The following MAGI1 variants were observed in gnomAD, a reference collection of about 807,000 sequenced individuals.
The protein encoded by MAGI1 is membrane associated guanylate kinase, WW and PDZ domain containing 1.
A neutral mutation model predicts 139.9 loss-of-function variants in MAGI1; 58 were observed. The observed-to-expected ratio is 0.41, with a 90% CI of 0.34 to 0.52. The LOEUF is 0.52. Among genes scored for constraint, MAGI1 ranks in the 20% least tolerant of loss-of-function variants. The probability of loss-of-function intolerance (pLI) is 0.12; values close to 1 mark genes in which losing one functional copy is unlikely to be tolerated. For synonymous variants in MAGI1, 812 were observed against 737.9 expected, an observed-to-expected ratio of 1.10 and a Z score of -1.63; for missense variants, 1,874 against 1,901.6, an observed-to-expected ratio of 0.99 and a Z score of 0.27.
intron 17 of MAGI1, among the ~76,000 whole-genome samples, chr3:65,376,940 G>A (rs1018166027): frequency 6.6e-6 from 1 of 152,184 alleles, no homozygotes; most frequent in African/African-American, 2.4e-5. Context: ...GCCTGACATA[G>A]GATTTCTGGT....
chr3:65,678,921 A>C (rs978398318), intron 1 of MAGI1, among the ~76,000 whole-genome samples: 1 of 152,226 alleles, frequency 6.6e-6, no homozygotes, highest in African/African-American at 2.4e-5. Context: ...TTCTATCCGC[A>C]TTGACACCCA....
At chr3:65,737,269 T>C (rs1413155795) in intron 1 of MAGI1, among the ~76,000 whole-genome samples, 1 of 152,232 alleles carries the variant, frequency 6.6e-6, no homozygotes, top group African/African-American at 2.4e-5. Flanking sequence ...CCTCCCAAAG[T>C]GCTGGGATTA....
At chr3:65,861,879 T>C (rs1046718263) in intron 1 of MAGI1, among the ~76,000 whole-genome samples, 52 of 152,190 alleles carry the variant, frequency 3.4e-4, no homozygotes, top group African/African-American at 1.2e-3. Context: ...TGTTGAGATA[T>C]TAGCAGGCAT....
intron 1 of MAGI1, among the ~76,000 whole-genome samples, chr3:65,640,394 G>A (rs555508046): frequency 5.1e-4 from 77 of 152,104 alleles, no homozygotes; most frequent in Non-Finnish European, 1.0e-3. Flanking sequence ...AGTTGGATTC[G>A]ACAACCCCAG....
intron 3 of MAGI1, among the ~76,000 whole-genome samples, chr3:65,487,938 T>C (rs1263716815): frequency 6.6e-6 from 1 of 152,220 alleles, no homozygotes; most frequent in African/African-American, 2.4e-5. Context: ...TGAGTTTATG[T>C]TGAATTAAAG....
Position 65,429,984 on chromosome 3 carries a change from C to T in MAGI1, c.1703G>A (p.Ser568Asn), listed in dbSNP as rs778851077. Residue 568 changes from serine to asparagine, a missense_variant, in exon 12 of 23, where the codon AGT (serine) becomes AAT (asparagine). Physicochemically the swap from Ser to Asn is conservative, Grantham distance 46. Coordinates refer to ENST00000402939, the MANE Select transcript of MAGI1 (RefSeq NM_001033057.2). Reference protein sequence around the residue: ...LPFDPDDPNTSLVTSVAILDK... With the variant: ...LPFDPDDPNTNLVTSVAILDK... ...CAAAATGGCTACCGAGGTCACTAAA[C>T]TTGTATTGGGGTCATCTGGATCAAA... is the stretch of plus-strand genomic sequence containing the variant. 6.2e-7 allele frequency: 1 copy of T among 1,614,004 alleles called. No homozygotes were observed. Among genetic ancestry groups the T allele is most frequent in the South Asian group, 1.1e-5 (1 of 91,088 alleles).
chr3:65,364,551 A>G, intron 20 of MAGI1, 114 bp downstream of exon 20: 1 of 892,854 alleles, frequency 1.1e-6, no homozygotes, highest in Non-Finnish European at 1.8e-6. Context: ...ATCACCTCAC[A>G]AAAGGTTATT....
chr3:65,383,631 G>A lies in MAGI1; in HGVS notation c.2417-8C>T, dbSNP rs1331794596. ...GTTCCTGGTAATCTGGAACTGCAGA[G>A]AGGGGAGAAAAAAGAGAAGGATTAT... On this transcript the variant is annotated splice_region_variant and splice_polypyrimidine_tract_variant and intron_variant, in intron 14 of 22. Coordinates refer to ENST00000402939, the MANE Select transcript of MAGI1 (RefSeq NM_001033057.2). The A allele has an allele frequency of 6.4e-7, 1 of 1,554,978 alleles. No individual in the cohort carries two copies. The highest frequency in any genetic ancestry group is 2.2e-5 in the East Asian group (1 of 44,586).
intron 22 of MAGI1, chr3:65,360,022 T>C (rs754905618): frequency 2.2e-5 from 22 of 985,264 alleles, no homozygotes; most frequent in African/African-American, 3.5e-5. Flanking sequence ...TGGTTGGCCA[T>C]GTCTATAGGG....
At chr3:66,037,784 G>C (rs551169832) in intron 1 of MAGI1, among the ~76,000 whole-genome samples, 2 of 152,180 alleles carry the variant, frequency 1.3e-5, no homozygotes, top group African/African-American at 4.8e-5. Flanking sequence ...CCGCTACCTT[G>C]CGCAAACCCA....
intron 1 of MAGI1, among the ~76,000 whole-genome samples, chr3:65,644,514 T>A (rs2085154581): frequency 6.6e-6 from 1 of 150,988 alleles, no homozygotes. Context: ...TAAGCAGTGA[T>A]CGTACCACTG....
At chr3:65,758,240 C>T (rs774018207) in intron 1 of MAGI1, among the ~76,000 whole-genome samples, 8 of 152,210 alleles carry the variant, frequency 5.3e-5, no homozygotes, top group African/African-American at 1.4e-4. Context: ...AGACATAAAG[C>T]GGAGCATCTG....
At chr3:65,597,935 G>GGGGGGT in intron 2 of MAGI1, 1 of 395,924 alleles carries the variant, frequency 2.5e-6, no homozygotes. Context: ...TGGGGGGGGG[G>GGGGGGT]TGGGACCGAA....
chr3:65,391,552 G>T (rs1008161646), intron 13 of MAGI1, among the ~76,000 whole-genome samples, 194 bp from the exon 14 acceptor site: 7 of 152,174 alleles, frequency 4.6e-5, no homozygotes, highest in African/African-American at 1.7e-4. Flanking sequence ...AAACAGAGGG[G>T]TGGGCCAGAT....
intron 2 of MAGI1, among the ~76,000 whole-genome samples, chr3:65,509,585 C>A (rs142831344): frequency 6.6e-6 from 1 of 152,198 alleles, no homozygotes; most frequent in Non-Finnish European, 1.5e-5. Context: ...CCGAATATTT[C>A]GCTTTTCAGA....
chr3:65,859,021 TGTGC>T (rs2059457090), intron 1 of MAGI1, among the ~76,000 whole-genome samples: 2 of 152,152 alleles, frequency 1.3e-5, no homozygotes, highest in South Asian at 4.1e-4. Context: ...TGCCAGATAT[TGTGC>T]TATGTGCTTT....
At chr3:65,770,032 T>C (rs1358503371) in intron 1 of MAGI1, among the ~76,000 whole-genome samples, 1 of 152,196 alleles carries the variant, frequency 6.6e-6, no homozygotes, top group Non-Finnish European at 1.5e-5. Context: ...GATTGCTATC[T>C]TGGGCCCATG....
At chr3:65,722,971 T>TA (rs151181033) in intron 1 of MAGI1, among the ~76,000 whole-genome samples, 4,308 of 135,074 alleles carry the variant, frequency 0.032, 138 homozygotes, top group African/African-American at 0.091. Context: ...TCTGTTGTAG[T>TA]AAAAAAAAAA....
At chr3:65,611,548 A>T (rs950196085) in intron 2 of MAGI1, among the ~76,000 whole-genome samples, 23 of 145,648 alleles carry the variant, frequency 1.6e-4, no homozygotes, top group Admixed American at 2.8e-4. Flanking sequence ...TATATACTAT[A>T]TACTGTATAT....
Sources: allele counts gnomAD v4.1 joint callset (sites outside exome capture counted in the v4.1 genomes callset), GRCh38; gene constraint gnomAD v4.1.1; transcripts MANE v1.5; gene names NCBI Gene and HGNC (gene_info 2026-07-23, HGNC 2026-07-21).